TENM2: variants seen among roughly 807,000 people sequenced by gnomAD.
The protein encoded by TENM2 is teneurin transmembrane protein 2.
In TENM2, 52 loss-of-function variants were observed where a neutral mutation model predicts 245.2. That is an observed-to-expected ratio of 0.21 (90% confidence interval 0.17 to 0.27). TENM2 has a LOEUF of 0.27. Ranked by LOEUF, TENM2 falls within the 10% of genes least tolerant of loss-of-function variation. The probability of loss-of-function intolerance (pLI) is 1.00; values close to 1 mark genes in which losing one functional copy is unlikely to be tolerated. For missense variants in TENM2, 3,046 were observed against 3,666.8 expected (o/e 0.83, Z 4.37); for synonymous variants, 1,363 against 1,438.9 (o/e 0.95, Z 1.19).
chr5:166,988,848 G>C, the TENM2 span, among the ~76,000 whole-genome samples: 1 of 152,080 alleles, frequency 6.6e-6, no homozygotes, highest in East Asian at 1.9e-4. Context: ...TGCTTCTAAC[G>C]GTCCCTGGCT....
At position 167,461,218 on chromosome 5, in the gene TENM2, C is replaced by T. The variant is rs1300736375; in HGVS notation, c.502+85745C>T. Among the ~76,000 whole-genome samples the T allele has an allele frequency of 2.0e-5, 3 of 150,486 alleles. No homozygotes were observed. The East Asian group carries it at 5.8e-4, about 29-fold the overall frequency. ...ATATATAGAAACCCAGAAAGTTGAG[C>T]TCTTTTTTTTTTTTAACTTTCTTTT... On this transcript the variant is annotated intron_variant, in intron 2 of 28. Coordinates refer to ENST00000518659, the Ensembl canonical transcript of TENM2.
intron 2 of TENM2, among the ~76,000 whole-genome samples, chr5:167,813,933 G>A (rs73803211): frequency 1.6e-3 from 237 of 152,198 alleles, no homozygotes; most frequent in African/African-American, 5.2e-3. Flanking sequence ...TGATAGGGAC[G>A]GGAGCATGGG....
chr5:166,996,663 T>C, the TENM2 span, among the ~76,000 whole-genome samples: 3 of 152,214 alleles, frequency 2.0e-5, no homozygotes, highest in Admixed American at 1.3e-4. Flanking sequence ...TTCATGAATA[T>C]TATTGGGTTT....
intron 2 of TENM2, among the ~76,000 whole-genome samples, chr5:167,591,390 G>A (rs920590965): frequency 1.3e-5 from 2 of 152,146 alleles, no homozygotes; most frequent in Non-Finnish European, 2.9e-5. Flanking sequence ...TTTTATTGAG[G>A]GGTAAATATA....
At chr5:167,235,605 T>C in the TENM2 span, among the ~76,000 whole-genome samples, 1 of 152,218 alleles carries the variant, frequency 6.6e-6, no homozygotes, top group Non-Finnish European at 1.5e-5. Flanking sequence ...TCCATCTGTC[T>C]GTTCTACTTT....
intron 2 of TENM2, among the ~76,000 whole-genome samples, chr5:167,561,501 C>T (rs888975): frequency 0.21 from 32,278 of 152,074 alleles, 3,628 homozygotes; most frequent in African/African-American, 0.28. Context: ...AACTGTGGTC[C>T]GTGGTTCAAA....
intron 3 of TENM2, among the ~76,000 whole-genome samples, chr5:167,889,555 C>T (rs1236774498): frequency 6.6e-6 from 1 of 152,098 alleles, no homozygotes; most frequent in African/African-American, 2.4e-5. Context: ...CCCCCTTTCA[C>T]TCTGTCTGCT....
At chr5:168,246,760 A>G (rs373664564) in exon 27 of TENM2, 1 of 1,613,362 alleles carries the variant, frequency 6.2e-7, no homozygotes, top group Non-Finnish European at 8.5e-7. Flanking sequence ...TCTGCAGTCC[A>G]TGGTCCTCCT....
chr5:167,334,471 T>C (rs1757641832), intron 1 of TENM2, among the ~76,000 whole-genome samples: 1 of 152,240 alleles, frequency 6.6e-6, no homozygotes, highest in African/African-American at 2.4e-5. Context: ...GCTCTACCTC[T>C]TTCTCTGAAA....
At chr5:167,758,549 A>G (rs568216343) in intron 2 of TENM2, among the ~76,000 whole-genome samples, 1 of 152,168 alleles carries the variant, frequency 6.6e-6, no homozygotes, top group Non-Finnish European at 1.5e-5. Context: ...TCTGAGACAG[A>G]CATTCCCAGG....
At chr5:167,853,307 AAAAAAG>A (rs1171963953) in intron 2 of TENM2, among the ~76,000 whole-genome samples, 5 of 139,196 alleles carry the variant, frequency 3.6e-5, no homozygotes, top group East Asian at 2.0e-4. Flanking sequence ...AAAAAAAAAA[AAAAAAG>A]AAAGTGATCG....
chr5:167,544,930 A>C (rs2127610562), intron 2 of TENM2, among the ~76,000 whole-genome samples: 1 of 152,298 alleles, frequency 6.6e-6, no homozygotes, highest in South Asian at 2.1e-4. Context: ...ATATTCTGTA[A>C]GGGCTTGTTT....
At chr5:168,221,236 G>A (rs143806404) in intron 23 of TENM2, among the ~76,000 whole-genome samples, 99 of 152,290 alleles carry the variant, frequency 6.5e-4, no homozygotes, top group African/African-American at 2.2e-3. Context: ...TAGGTGAGAA[G>A]AGTGGCCATA....
At chr5:168,064,115 A>G (rs967593184) in intron 7 of TENM2, among the ~76,000 whole-genome samples, 1 of 152,124 alleles carries the variant, frequency 6.6e-6, no homozygotes, top group African/African-American at 2.4e-5. Context: ...AGACAAGAAG[A>G]GGAGTTCAGC....
At position 167,867,802 on chromosome 5, in the gene TENM2, A is replaced by G. The variant is rs116799233; in HGVS notation, c.503-8184A>G. On this transcript the variant is annotated intron_variant, in intron 2 of 28. Coordinates refer to ENST00000518659, the Ensembl canonical transcript of TENM2. ...CTCCTGCCTCCATAAAGGCCACCCA[A>G]CCCTCTCTTGTCAAACAGATCTCTC... 3.5e-3 allele frequency among the ~76,000 whole-genome samples: 533 copies of G among 152,140 alleles called. 4 individuals are homozygous for G. The highest frequency in any genetic ancestry group is 0.012 in the African/African-American group (500 of 41,504).
the TENM2 span, among the ~76,000 whole-genome samples, chr5:167,060,346 A>G: frequency 6.6e-6 from 1 of 151,894 alleles, no homozygotes; most frequent in Non-Finnish European, 1.5e-5. Flanking sequence ...TTAAAAATTT[A>G]GACCACATTA....
Position 167,417,948 on chromosome 5 carries a change from T to C in TENM2, c.502+42475T>C, listed in dbSNP as rs548787202. Among the ~76,000 whole-genome samples, 4 of 152,310 alleles carry C rather than the reference T, an allele frequency of 2.6e-5. No homozygotes were observed. In the South Asian group the frequency reaches 8.3e-4, roughly 32 times the overall value. On this transcript the variant is annotated intron_variant, in intron 2 of 28. Transcript: ENST00000518659. ...TTTCATTTTGCATTTTCATATTTGT[T>C]TTACTGCATTAATTTGCATTGAATA...
chr5:167,810,088 C>A (rs780709337), intron 2 of TENM2, among the ~76,000 whole-genome samples: 7 of 152,110 alleles, frequency 4.6e-5, no homozygotes, highest in Non-Finnish European at 1.0e-4. Context: ...AGTGAGTAGA[C>A]TTTGAACCTG....
chr5:167,726,513 C>T (rs868149373), intron 2 of TENM2, among the ~76,000 whole-genome samples: 3 of 152,138 alleles, frequency 2.0e-5, no homozygotes, highest in Non-Finnish European at 2.9e-5. Flanking sequence ...GGCTAGAGTG[C>T]AGTGGCATGA....
Sources: gnomAD v4.1 joint callset for allele counts (sites outside exome capture counted in the v4.1 genomes callset) on GRCh38, gnomAD v4.1.1 for gene constraint, MANE v1.5 for transcripts, NCBI Gene and HGNC (gene_info 2026-07-23, HGNC 2026-07-21) for gene names.